CELF2: variants seen among roughly 807,000 people sequenced by gnomAD.
CELF2 encodes the protein CUGBP Elav-like family member 2.
CELF2 carries 8 observed loss-of-function variants against 62.6 expected under a neutral mutation model. That is an observed-to-expected ratio of 0.13 (90% CI 0.07 to 0.23). The LOEUF is 0.23. Ranked by LOEUF, CELF2 falls within the 10% of genes least tolerant of loss-of-function variation. The pLI, the probability that CELF2 is intolerant of heterozygous loss-of-function variation, is 1.00. For missense variants in CELF2, 333 were observed against 671.0 expected, an observed-to-expected ratio of 0.50 and a Z score of 5.56; for synonymous variants, 258 against 250.0, an observed-to-expected ratio of 1.03 and a Z score of -0.30.
chr10:10,538,607 C>G, the CELF2 span, among the ~76,000 whole-genome samples: 1 of 152,100 alleles, frequency 6.6e-6, no homozygotes, highest in Non-Finnish European at 1.5e-5. Context: ...AAACAACCCA[C>G]CCTATTCTTA....
chr10:11,296,924 T>G lies in CELF2; in HGVS notation c.976+8372T>G, dbSNP rs2093249227. Among the ~76,000 whole-genome samples, 1 of 152,228 alleles carries G rather than the reference T, an allele frequency of 6.6e-6. No homozygotes were observed. The highest frequency in any genetic ancestry group is 6.5e-5 in the Admixed American group (1 of 15,284). On this transcript the variant is annotated intron_variant, in intron 9 of 12. Transcript: ENST00000633077. This position sits in a 1 kb window ranked among gnomAD's most constrained non-coding sequence, Gnocchi z 5.0. Reference sequence around the variant, plus strand: ...CAGCAAATGGAAGTTCATCTCACTTTTCACAAGCATGGACATATGGAAAAG... The same window carrying G: ...CAGCAAATGGAAGTTCATCTCACTTGTCACAAGCATGGACATATGGAAAAG...
chr10:10,950,192 G>A (rs570455351), intron 2 of CELF2, among the ~76,000 whole-genome samples: 2 of 152,274 alleles, frequency 1.3e-5, no homozygotes, highest in South Asian at 4.1e-4. Context: ...ACTGGGAAAG[G>A]GCCAGGGCCT....
At chr10:10,845,468 C>T (rs1039123839) in intron 1 of CELF2, among the ~76,000 whole-genome samples, 1 of 152,032 alleles carries the variant, frequency 6.6e-6, no homozygotes, top group African/African-American at 2.4e-5. Context: ...AACATACACA[C>T]ACACACACTC....
chr10:10,473,451 A>C, the CELF2 span, among the ~76,000 whole-genome samples: 1 of 151,990 alleles, frequency 6.6e-6, no homozygotes, highest in Non-Finnish European at 1.5e-5. Flanking sequence ...TAAGCCACCC[A>C]ATTTGTGGTA....
intron 2 of CELF2, among the ~76,000 whole-genome samples, chr10:11,208,290 C>A (rs940724069): frequency 6.6e-6 from 1 of 152,152 alleles, no homozygotes; most frequent in Non-Finnish European, 1.5e-5. Context: ...GGCACATCCA[C>A]AGGAGAAAAG....
chr10:11,216,354 G>A (rs532960063), intron 2 of CELF2, among the ~76,000 whole-genome samples: 4 of 152,146 alleles, frequency 2.6e-5, no homozygotes, highest in Non-Finnish European at 5.9e-5. Context: ...TCTGGCCCCT[G>A]TCTGGCTCCG....
rs76279471 is a variant in CELF2, at chr10:11,156,039, C to G, written c.75-9447C>G. ...TGGAGTTCTGAATGCCGGGCAAGCA[C>G]AAAGGTCAGTGACGCCTTTGTCCTT... is the stretch of plus-strand genomic sequence containing the variant. On this transcript the variant is annotated intron_variant, in intron 1 of 12. Coordinates refer to ENST00000633077, the MANE Select transcript of CELF2 (RefSeq NM_001326342.2). This position sits in a 1 kb window ranked among gnomAD's most constrained non-coding sequence, Gnocchi z 4.3. 6.6e-6 allele frequency among the ~76,000 whole-genome samples: 1 copy of G among 152,116 alleles called. No homozygotes were observed. The highest frequency in any genetic ancestry group is 6.5e-5 in the Admixed American group (1 of 15,278).
chr10:10,474,373 G>T, the CELF2 span, among the ~76,000 whole-genome samples: 1 of 152,006 alleles, frequency 6.6e-6, no homozygotes, highest in Non-Finnish European at 1.5e-5. Flanking sequence ...AATGTGAATG[G>T]TAGAAAAAGA....
the CELF2 span, among the ~76,000 whole-genome samples, chr10:10,613,190 A>G: frequency 6.6e-6 from 1 of 152,158 alleles, no homozygotes; most frequent in Non-Finnish European, 1.5e-5. Context: ...ATAAATGTCA[A>G]GTGGAATTAC....
chr10:10,724,671 G>GA, the CELF2 span, among the ~76,000 whole-genome samples: 2 of 137,440 alleles, frequency 1.5e-5, no homozygotes, highest in Non-Finnish European at 3.1e-5. Context: ...AAAAAAAAAA[G>GA]AAAAAAGAAA....
chr10:10,741,471 C>T, the CELF2 span, among the ~76,000 whole-genome samples: 11 of 123,566 alleles, frequency 8.9e-5, no homozygotes, highest in Middle Eastern at 0.014. Flanking sequence ...TCCAGCCTGG[C>T]GACAGAGAGA....
At chr10:10,797,993 C>T (rs1238004078), upstream of CELF2, among the ~76,000 whole-genome samples, 5 of 151,126 alleles carry the variant, frequency 3.3e-5, no homozygotes, top group Non-Finnish European at 7.4e-5. Flanking sequence ...AGGTGGGGGG[C>T]GAGTAGGGGG....
chr10:10,950,529 A>C (rs2048203976), intron 2 of CELF2, among the ~76,000 whole-genome samples: 1 of 152,100 alleles, frequency 6.6e-6, no homozygotes, highest in South Asian at 2.1e-4. Flanking sequence ...TGATTTCTTT[A>C]ATAGCGCCTT....
At chr10:11,134,180 A>C (rs2060047325) in intron 1 of CELF2, among the ~76,000 whole-genome samples, 1 of 152,184 alleles carries the variant, frequency 6.6e-6, no homozygotes, top group African/African-American at 2.4e-5. Context: ...GTTGCAGCAA[A>C]GCTAAGGGAT....
chr10:11,050,714 T>C (rs1341303278), intron 1 of CELF2, among the ~76,000 whole-genome samples: 1 of 152,216 alleles, frequency 6.6e-6, no homozygotes, highest in Non-Finnish European at 1.5e-5. Context: ...TCCTGTCTTC[T>C]CTCTGTCACC....
chr10:11,275,802 C>T (rs2085842232), intron 8 of CELF2, among the ~76,000 whole-genome samples: 2 of 152,204 alleles, frequency 1.3e-5, no homozygotes, highest in South Asian at 2.1e-4. Context: ...AAAGGTCACT[C>T]CTGCCGTGCC....
chr10:10,608,807 G>A, the CELF2 span, among the ~76,000 whole-genome samples: 3 of 152,092 alleles, frequency 2.0e-5, no homozygotes, highest in African/African-American at 4.8e-5. Context: ...GAATTCCTCC[G>A]TCGAGAGTAG....
chr10:10,532,648 C>T, the CELF2 span, among the ~76,000 whole-genome samples: 6 of 152,132 alleles, frequency 3.9e-5, no homozygotes, highest in Non-Finnish European at 7.3e-5. Context: ...AGGATACAGC[C>T]AACTCTAAGG....
At chr10:10,853,377 G>A (rs1181381692) in intron 1 of CELF2, among the ~76,000 whole-genome samples, 2 of 152,094 alleles carry the variant, frequency 1.3e-5, no homozygotes, top group African/African-American at 4.8e-5. Flanking sequence ...GAAAGATGGT[G>A]GGCAGGTAGG....
Sources: allele counts gnomAD v4.1 joint callset (sites outside exome capture counted in the v4.1 genomes callset), GRCh38; gene constraint gnomAD v4.1.1; non-coding constraint Gnocchi (gnomAD v3.1); transcripts MANE v1.5; gene names NCBI Gene and HGNC (gene_info 2026-07-23, HGNC 2026-07-21).